The following TMC1 variants were observed in gnomAD, a reference collection of about 807,000 sequenced individuals.
The protein encoded by TMC1 is transmembrane channel like 1, also known as transmembrane channel-like protein 1.
A neutral mutation model predicts 105.8 loss-of-function variants in TMC1; 84 were observed. The observed-to-expected ratio is 0.79, with a 90% CI of 0.67 to 0.95. The LOEUF is 0.95. Among genes scored for constraint, TMC1 ranks in the 40% least tolerant of loss-of-function variants. The probability of loss-of-function intolerance (pLI) is 0.00; values close to 1 mark genes in which losing one functional copy is unlikely to be tolerated. For missense variants in TMC1, 817 were observed against 914.1 expected, an observed-to-expected ratio of 0.89 and a Z score of 1.37; for synonymous variants, 315 against 311.5, an observed-to-expected ratio of 1.01 and a Z score of -0.12.
chr9:72,641,328 A>T (rs1825623528), intron 4 of TMC1, among the ~76,000 whole-genome samples: 1 of 151,702 alleles, frequency 6.6e-6, no homozygotes, highest in Non-Finnish European at 1.5e-5. Flanking sequence ...CCTGACCTCA[A>T]GTGATCCACC....
intron 1 of TMC1, among the ~76,000 whole-genome samples, chr9:72,544,452 C>G (rs568383540): frequency 1.2e-4 from 18 of 151,218 alleles, no homozygotes; most frequent in Admixed American, 6.6e-4. Flanking sequence ...TGATCTTAGC[C>G]CTTCCCTTTG....
At chr9:72,610,286 T>C (rs1344306787) in intron 2 of TMC1, among the ~76,000 whole-genome samples, 2 of 152,150 alleles carry the variant, frequency 1.3e-5, no homozygotes, top group Non-Finnish European at 2.9e-5. Flanking sequence ...AAAGTATACA[T>C]TTATTATATA....
intron 12 of TMC1, among the ~76,000 whole-genome samples, chr9:72,759,359 A>G (rs557412055): frequency 1.3e-5 from 2 of 152,288 alleles, no homozygotes; most frequent in South Asian, 4.1e-4. Context: ...GGAAAAAAGT[A>G]GCTCCCCAAG....
rs568058201 is a variant in TMC1, at chr9:72,791,895, G to C, written c.1234G>C (p.Val412Leu). The C allele has an allele frequency of 6.2e-7, 1 of 1,612,374 alleles. No homozygotes were observed. Among genetic ancestry groups the C allele is most frequent in the South Asian group, 1.1e-5 (1 of 91,014 alleles). Reference sequence around the variant, plus strand: ...TTGTGCCTCCTTGTAGATGAACATGGTTATGTCCCTCCTAGGGATGTTCTG... The same window carrying C: ...TTGTGCCTCCTTGTAGATGAACATGCTTATGTCCCTCCTAGGGATGTTCTG... ...GWWEKNEMNM[V>L]MSLLGMFCPT... Residue 412 changes from valine to leucine, a missense_variant, in exon 16 of 24, where the codon GTT (valine) becomes CTT (leucine). By Grantham distance (32) the Val-to-Leu change is conservative. Transcript: ENST00000297784.
Position 72,754,883 on chromosome 9 carries a change from A to G in TMC1, c.740A>G (p.Asn247Ser), listed in dbSNP as rs549050367. 44 of 1,611,180 alleles carry G rather than the reference A, an allele frequency of 2.7e-5. No homozygotes were observed. The highest frequency in any genetic ancestry group is 2.6e-4 in the South Asian group (24 of 91,016). The stretch of plus-strand genomic sequence containing the variant: ...AACTTTGGTGTGTTGTACGACTTCA[A>G]TGTAAGTGTCTCCACACAAGTGTAT... ...AANFGVLYDF[N>S]GLAQYSVLFY... Residue 247 changes from asparagine (N) to serine (S), a missense_variant and splice_region_variant, in exon 12 of 24, where the codon AAT (asparagine) becomes AGT (serine). Coordinates refer to ENST00000297784, the MANE Select transcript of TMC1 (RefSeq NM_138691.3).
intron 2 of TMC1, among the ~76,000 whole-genome samples, chr9:72,595,989 G>A (rs913158648): frequency 6.0e-5 from 9 of 150,754 alleles, no homozygotes; most frequent in Admixed American, 1.3e-4. Flanking sequence ...CGATTCTTCC[G>A]CCTCAGCCTC....
chr9:72,552,023 TGA>T (rs140135599), intron 1 of TMC1, among the ~76,000 whole-genome samples: 7,100 of 152,130 alleles, frequency 0.047, 252 homozygotes, highest in Middle Eastern at 0.088. Context: ...TCCAGAACTC[TGA>T]GAGAACAGAT....
intron 6 of TMC1, among the ~76,000 whole-genome samples, chr9:72,689,581 T>C (rs975327004): frequency 6.6e-5 from 10 of 152,118 alleles, no homozygotes; most frequent in African/African-American, 2.2e-4. Context: ...CTGTATATTT[T>C]CTCTCTTGAG....
At chr9:72,650,376 T>C (rs1825782222) in intron 5 of TMC1, among the ~76,000 whole-genome samples, 2 of 152,220 alleles carry the variant, frequency 1.3e-5, no homozygotes, top group Admixed American at 6.5e-5. Flanking sequence ...GTGTCTATTA[T>C]GTGCCAGGTT....
chr9:72,723,660 G>T (rs1418923330), intron 8 of TMC1, among the ~76,000 whole-genome samples: 1 of 152,160 alleles, frequency 6.6e-6, no homozygotes, highest in Non-Finnish European at 1.5e-5. Context: ...ATTGAGAAAA[G>T]CCAAATGTAA....
chr9:72,742,023 C>T (rs2118021830), intron 9 of TMC1, among the ~76,000 whole-genome samples: 1 of 152,190 alleles, frequency 6.6e-6, no homozygotes, highest in South Asian at 2.1e-4. Context: ...AAATAAAAGA[C>T]AGAAAATAAA....
chr9:72,639,905 A>G (rs1224918969), intron 4 of TMC1, among the ~76,000 whole-genome samples: 1 of 152,150 alleles, frequency 6.6e-6, no homozygotes, highest in African/African-American at 2.4e-5. Flanking sequence ...TTACCCCCCA[A>G]CTCCAGCAAC....
chr9:72,734,213 G>A (rs1827261045), intron 8 of TMC1, among the ~76,000 whole-genome samples: 1 of 152,146 alleles, frequency 6.6e-6, no homozygotes, highest in African/African-American at 2.4e-5. Flanking sequence ...AATATTTTTG[G>A]ACTGCAGTTG....
At chr9:72,536,892 T>C (rs1564396069) in intron 1 of TMC1, among the ~76,000 whole-genome samples, 1 of 152,186 alleles carries the variant, frequency 6.6e-6, no homozygotes, top group Non-Finnish European at 1.5e-5. Flanking sequence ...CAATAGATAA[T>C]GCCCAAGTAG....
intron 15 of TMC1, 150 bp downstream of exon 15, chr9:72,789,467 A>G: frequency 1.4e-6 from 1 of 698,690 alleles, no homozygotes; most frequent in Non-Finnish European, 2.5e-6. Flanking sequence ...CTCATTTTCC[A>G]TTCTATTCTA....
At chr9:72,715,862 G>A (rs572181883) in intron 8 of TMC1, among the ~76,000 whole-genome samples, 1 of 152,282 alleles carries the variant, frequency 6.6e-6, no homozygotes, top group East Asian at 1.9e-4. Context: ...GGAATGTTCA[G>A]CCTTTTCGCA....
intron 4 of TMC1, among the ~76,000 whole-genome samples, chr9:72,637,300 C>T (rs1825553188): frequency 6.6e-6 from 1 of 151,522 alleles, no homozygotes; most frequent in South Asian, 2.1e-4. Context: ...TCCCTTTGTT[C>T]TGAGTACTGG....
chr9:72,776,867 TCA>T (rs1828014523), intron 13 of TMC1, among the ~76,000 whole-genome samples: 3 of 151,906 alleles, frequency 2.0e-5, no homozygotes, highest in Non-Finnish European at 2.9e-5. Context: ...ATAACAATCA[TCA>T]ATATAGACTG....
At chr9:72,812,182 G>A (rs111542773) in intron 18 of TMC1, among the ~76,000 whole-genome samples, 2 of 152,286 alleles carry the variant, frequency 1.3e-5, no homozygotes, top group African/African-American at 4.8e-5. Flanking sequence ...GGAACTCAAA[G>A]TGCTCATAGG....
Sources: allele counts gnomAD v4.1 joint callset (sites outside exome capture counted in the v4.1 genomes callset), GRCh38; gene constraint gnomAD v4.1.1; transcripts MANE v1.5; gene names NCBI Gene and HGNC (gene_info 2026-07-23, HGNC 2026-07-21).